Variants in GPC5 observed in about 807,000 individuals in gnomAD.
GPC5 encodes the protein glypican 5.
In GPC5, 47 loss-of-function variants were observed where a neutral mutation model predicts 53.9. That is an observed-to-expected ratio of 0.87 (90% CI 0.69 to 1.11). The LOEUF is 1.11. GPC5 is among the 50% of genes most tolerant of loss of function. GPC5 has a pLI of 0.00. For synonymous variants in GPC5, 286 were observed against 263.3 expected (o/e 1.09, Z -0.84); for missense variants, 748 against 713.1 (o/e 1.05, Z -0.56).
At chr13:91,888,412 G>A (rs1263892898) in intron 5 of GPC5, among the ~76,000 whole-genome samples, 2 of 152,160 alleles carry the variant, frequency 1.3e-5, no homozygotes, top group African/African-American at 4.8e-5. Context: ...GATCATTTTT[G>A]TAAATTAGTT....
chr13:91,421,775 C>G (rs1263722994), intron 1 of GPC5, among the ~76,000 whole-genome samples: 6 of 152,140 alleles, frequency 3.9e-5, no homozygotes, highest in Admixed American at 6.5e-5. Context: ...TTATAGAAGC[C>G]TGTAGAGAGG....
rs192143397 is a variant in GPC5 at position 92,820,262 on chromosome 13, G to A, written c.1562-46020G>A. Among the ~76,000 whole-genome samples the A allele has an allele frequency of 5.3e-5, 8 of 152,120 alleles. No homozygotes were observed. The East Asian group carries it at 9.7e-4, about 18-fold the overall frequency. The stretch of plus-strand genomic sequence containing the variant: ...AATTTTGCCATCAACCTTTTAATCC[G>A]TAAATCAGTCATCAAAGACACCAGC... On this transcript the variant is annotated intron_variant, in intron 7 of 7. Coordinates refer to ENST00000377067, the MANE Select transcript of GPC5 (RefSeq NM_004466.6).
In GPC5 at chr13:92,426,290, G is replaced by A. The variant is rs376173484; in HGVS notation, c.1561+281301G>A. 2.8e-4 allele frequency among the ~76,000 whole-genome samples: 43 copies of A among 152,162 alleles called. 1 individual carries two copies. In the South Asian group the frequency reaches 8.7e-3, roughly 31 times the overall value. On this transcript the variant is annotated intron_variant, in intron 7 of 7. Coordinates refer to ENST00000377067, the MANE Select transcript of GPC5 (RefSeq NM_004466.6). ...TACCCATGGTGAATACCCCTGTTGA[G>A]TCTTGATTCTCATTCTTACCCTTTC...
intron 2 of GPC5, among the ~76,000 whole-genome samples, chr13:91,457,856 A>G (rs1881667860): frequency 6.6e-6 from 1 of 152,084 alleles, no homozygotes; most frequent in Non-Finnish European, 1.5e-5. Context: ...CATCCATCCA[A>G]CAATCATGGG....
intron 2 of GPC5, among the ~76,000 whole-genome samples, chr13:91,564,835 G>A (rs7983224): frequency 0.41 from 61,477 of 151,612 alleles, 14,703 homozygotes; most frequent in African/African-American, 0.68. Flanking sequence ...TCAATATGTC[G>A]CCTTCAAATT....
At chr13:92,345,861 A>T (rs1476861751) in intron 7 of GPC5, among the ~76,000 whole-genome samples, 2 of 152,174 alleles carry the variant, frequency 1.3e-5, no homozygotes, top group Non-Finnish European at 2.9e-5. Context: ...AAGGAGGTAG[A>T]GCTCTTAGTG....
chr13:91,676,900 T>C (rs766315940), intron 2 of GPC5, among the ~76,000 whole-genome samples: 5 of 152,240 alleles, frequency 3.3e-5, no homozygotes, highest in Non-Finnish European at 7.3e-5. Context: ...CAGGGACCAC[T>C]GCTTTTTAAG....
rs563393535 is a variant in GPC5 at position 91,974,945 on chromosome 13, G to A, written c.1401+66888G>A. 4.1e-3 allele frequency among the ~76,000 whole-genome samples: 622 copies of A among 152,258 alleles called. 5 individuals are homozygous for A. Among genetic ancestry groups the A allele is most frequent in the African/African-American group, 0.014 (588 of 41,546 alleles). On this transcript the variant is annotated intron_variant, in intron 6 of 7. Coordinates refer to ENST00000377067, the MANE Select transcript of GPC5 (RefSeq NM_004466.6). ...AGATATAGATCAATGGAACAGAACA[G>A]AGCCCTCAGAAATAATGCCGCATAT...
At chr13:92,279,494 C>T (rs2042898218) in intron 7 of GPC5, among the ~76,000 whole-genome samples, 1 of 151,890 alleles carries the variant, frequency 6.6e-6, no homozygotes, top group Non-Finnish European at 1.5e-5. Flanking sequence ...TTTTATTACT[C>T]CTGATAAGAC....
chr13:92,753,801 G>T (rs1874708412), intron 7 of GPC5, among the ~76,000 whole-genome samples: 1 of 152,016 alleles, frequency 6.6e-6, no homozygotes, highest in African/African-American at 2.4e-5. Flanking sequence ...AAAGAAATGA[G>T]CAAAGCCTCC....
In GPC5 at chr13:91,753,873, A is replaced by G. The variant is rs372215707; in HGVS notation, c.1155-2422A>G. Among the ~76,000 whole-genome samples, 7 of 152,164 alleles carry G rather than the reference A, an allele frequency of 4.6e-5. No individual in the cohort carries two copies. In the East Asian group the frequency reaches 1.2e-3, roughly 25 times the overall value. Reference sequence around the variant, plus strand: ...CCTCTGTGCGCTAAAATTTGGCACTATTAGCACTGTATTATCATTGTAGGT... The same window carrying G: ...CCTCTGTGCGCTAAAATTTGGCACTGTTAGCACTGTATTATCATTGTAGGT... On this transcript the variant is annotated intron_variant, in intron 4 of 7. Transcript: ENST00000377067.
intron 7 of GPC5, among the ~76,000 whole-genome samples, chr13:92,577,998 C>T (rs1392690605): frequency 3.9e-5 from 6 of 152,070 alleles, no homozygotes; most frequent in South Asian, 4.1e-4. Flanking sequence ...TAAGGAAAGA[C>T]GATGCAATGA....
At chr13:91,579,354 C>T (rs914149354) in intron 2 of GPC5, among the ~76,000 whole-genome samples, 9 of 152,258 alleles carry the variant, frequency 5.9e-5, no homozygotes, top group African/African-American at 1.2e-4. Context: ...CTTATTCTTT[C>T]GGACCATAAC....
intron 7 of GPC5, among the ~76,000 whole-genome samples, chr13:92,860,461 C>A (rs984825649): frequency 1.3e-5 from 2 of 152,152 alleles, no homozygotes; most frequent in African/African-American, 2.4e-5. Context: ...ACTGACCCAA[C>A]ATACTGGATG....
chr13:92,723,845 T>A (rs1291790784), intron 7 of GPC5, among the ~76,000 whole-genome samples: 1 of 151,640 alleles, frequency 6.6e-6, no homozygotes, highest in East Asian at 1.9e-4. Context: ...TATAATTCTA[T>A]CATATGCTGA....
chr13:91,857,633 G>A (rs2038981056), intron 5 of GPC5, among the ~76,000 whole-genome samples: 1 of 146,396 alleles, frequency 6.8e-6, no homozygotes, highest in East Asian at 2.0e-4. Context: ...TTTTAATACT[G>A]GCTCAAACCT....
intron 2 of GPC5, among the ~76,000 whole-genome samples, chr13:91,572,243 G>A (rs561829832): frequency 6.4e-5 from 9 of 140,704 alleles, no homozygotes; most frequent in Non-Finnish European, 1.4e-4. Context: ...ATATACATGT[G>A]TATATATATA....
In GPC5 at chr13:91,883,817, C is replaced by T. The variant is rs886476515; in HGVS notation, c.1281-24120C>T. On this transcript the variant is annotated intron_variant, in intron 5 of 7. Transcript: ENST00000377067. ...AATTTAACTTTTAAGTTCAGTGGTACGTGTGCAGGTTTGTTATGTAGGTAA... is the reference window on the plus strand; with the variant it reads ...AATTTAACTTTTAAGTTCAGTGGTATGTGTGCAGGTTTGTTATGTAGGTAA... Among the ~76,000 whole-genome samples, 7 of 151,882 alleles carry T rather than the reference C, an allele frequency of 4.6e-5. No homozygotes were observed. In the South Asian group the frequency reaches 1.2e-3, roughly 27 times the overall value.
At chr13:91,689,184 AATATATATATATATATATATATATAT>A (rs1169911890) in intron 2 of GPC5, among the ~76,000 whole-genome samples, 569 of 49,604 alleles carry the variant, frequency 0.011, 23 homozygotes, top group African/African-American at 0.036. Flanking sequence ...ATCATATATA[AATATATATATATATATATATATATAT>A]ATATATATAT....
Sources: allele counts gnomAD v4.1 joint callset (sites outside exome capture counted in the v4.1 genomes callset), GRCh38; gene constraint gnomAD v4.1.1; transcripts MANE v1.5; gene names NCBI Gene and HGNC (gene_info 2026-07-23, HGNC 2026-07-21).